The following DDX19B variants were observed in gnomAD, a reference collection of about 807,000 sequenced individuals.
DDX19B encodes DEAD-box helicase 19B.
Under a neutral mutation model 58.1 loss-of-function variants are expected in DDX19B, and 27 were observed. The observed-to-expected ratio is 0.46, with a 90% CI of 0.34 to 0.64. The LOEUF (loss-of-function observed/expected upper bound fraction) is 0.64. Ranked by LOEUF, DDX19B falls within the 30% of genes least tolerant of loss-of-function variation. The pLI, the probability that DDX19B is intolerant of heterozygous loss-of-function variation, is 0.01. For missense variants in DDX19B, 399 were observed against 596.5 expected (o/e 0.67, Z 3.45); for synonymous variants, 187 against 214.4 (o/e 0.87, Z 1.12).
intron 1 of DDX19B, among the ~76,000 whole-genome samples, chr16:70,310,024 G>C (rs930663080): frequency 6.6e-6 from 1 of 151,770 alleles, no homozygotes; most frequent in South Asian, 2.1e-4. Flanking sequence ...CAGGAGGATC[G>C]CTTGAGCCCA....
chr16:70,327,887 A>G (rs1358317666), intron 7 of DDX19B, among the ~76,000 whole-genome samples: 3 of 152,286 alleles, frequency 2.0e-5, no homozygotes, highest in Non-Finnish European at 4.4e-5. Context: ...ATGATGGCTC[A>G]TACCTGTAAT....
chr16:70,316,539 G>A (rs894117790), intron 4 of DDX19B, among the ~76,000 whole-genome samples: 1 of 152,136 alleles, frequency 6.6e-6, no homozygotes, highest in Non-Finnish European at 1.5e-5. Flanking sequence ...AATTTAGCTG[G>A]GTGCCGTAGT....
intron 1 of DDX19B, among the ~76,000 whole-genome samples, chr16:70,299,886 C>G (rs911060845): frequency 1.3e-5 from 2 of 152,084 alleles, no homozygotes; most frequent in Admixed American, 6.6e-5. Flanking sequence ...AAATGATGGA[C>G]CCAGTAGGTG....
chr16:70,316,341 C>T (rs891993721), intron 4 of DDX19B, among the ~76,000 whole-genome samples: 1 of 152,156 alleles, frequency 6.6e-6, no homozygotes, highest in Non-Finnish European at 1.5e-5. Context: ...TCCCAAGTAG[C>T]TGAGATTACA....
Position 70,333,918 on chromosome 16 carries a change from T to G in DDX19B, c.*336T>G, listed in dbSNP as rs1443666498. 7 of 395,806 alleles carry G rather than the reference T, an allele frequency of 1.8e-5. No homozygotes were observed. The highest frequency in any genetic ancestry group is 3.3e-5 in the Non-Finnish European group (7 of 214,292). The allele number at this position is 395,806 out of a possible 1,614,324, so 24.5% of individuals were successfully genotyped here. On this transcript the variant is annotated 3_prime_UTR_variant, in exon 12 of 12. Coordinates refer to ENST00000288071, the MANE Select transcript of DDX19B (RefSeq NM_007242.7). ...GCCCAGGATCTCCTGTGGCAGCCTC[T>G]GCTTGTTCTCTGGCTTGGAGTGGAT...
rs183834645 is a variant in DDX19B, at chr16:70,303,657, C to T, written c.57+4303C>T. On this transcript the variant is annotated intron_variant, in intron 1 of 11. Transcript: ENST00000288071. ...CTGCAAGCTCCACCTCTCAGGCTCA[C>T]GCCATTCTCCTGCCTCAGCCTCCCG... 3.9e-4 allele frequency among the ~76,000 whole-genome samples: 59 copies of T among 152,034 alleles called. 1 individual carries two copies. In the East Asian group the frequency reaches 6.8e-3, roughly 18 times the overall value.
rs752303919 is a variant in DDX19B, at chr16:70,333,805, TAC to T, written c.*227_*228del. ...ACAACCTTGGAAGATTAGGCATGAA[TAC>T]ACAGAGATTTACCTTTTGGAAGTTT... On this transcript the variant is annotated 3_prime_UTR_variant, in exon 12 of 12. Transcript: ENST00000288071. The T allele has an allele frequency of 2.2e-4, 142 of 645,504 alleles. 1 individual carries two copies. The highest frequency in any genetic ancestry group is 1.5e-3 in the South Asian group (78 of 50,412). 40.0% of individuals were successfully genotyped at this position (645,504 alleles called of 1,614,324 possible).
At chr16:70,316,616 G>T (rs1962431475) in intron 4 of DDX19B, among the ~76,000 whole-genome samples, 1 of 152,190 alleles carries the variant, frequency 6.6e-6, no homozygotes, top group Admixed American at 6.5e-5. Flanking sequence ...AGGAGTTGCA[G>T]ACCAGCCTGG....
upstream of DDX19B, among the ~76,000 whole-genome samples, chr16:70,295,343 G>C (rs1216170937): frequency 6.6e-6 from 1 of 151,900 alleles, no homozygotes; most frequent in Non-Finnish European, 1.5e-5. Flanking sequence ...GCATGATCAC[G>C]ACTCACTGCA....
intron 1 of DDX19B, among the ~76,000 whole-genome samples, chr16:70,306,971 C>T (rs1211222359): frequency 2.6e-5 from 4 of 152,146 alleles, no homozygotes; most frequent in Non-Finnish European, 5.9e-5. Flanking sequence ...TGGGAACATA[C>T]GGTATGTGAT....
intron 7 of DDX19B, among the ~76,000 whole-genome samples, chr16:70,327,507 T>G (rs998442463): frequency 3.3e-5 from 5 of 151,810 alleles, no homozygotes; most frequent in Admixed American, 2.6e-4. Context: ...CACTCCAGCC[T>G]GGGCGATAGA....
chr16:70,293,863 G>A (rs1284908327), upstream of DDX19B, among the ~76,000 whole-genome samples: 1 of 150,192 alleles, frequency 6.7e-6, no homozygotes, highest in Non-Finnish European at 1.5e-5. Flanking sequence ...CACCCGCCTC[G>A]GCCTCCCAAA....
upstream of DDX19B, among the ~76,000 whole-genome samples, chr16:70,297,476 GTGC>G (rs1157423481): frequency 6.6e-6 from 1 of 152,156 alleles, no homozygotes; most frequent in Non-Finnish European, 1.5e-5. Flanking sequence ...GCCTCCCAAA[GTGC>G]TGGGATTACA....
At chr16:70,312,089 C>T (rs1321521565) in intron 1 of DDX19B, among the ~76,000 whole-genome samples, 1 of 152,178 alleles carries the variant, frequency 6.6e-6, no homozygotes, top group East Asian at 1.9e-4. Flanking sequence ...ATCTGCCTGC[C>T]TGAGCCTCCC....
rs1963657117 is a variant in DDX19B, at chr16:70,335,202, G to T, written c.*1620G>T. Reference sequence around the variant, plus strand: ...TCTTGGAATTCTTGTAATAAGAAAAGAAATTTTTATACTTTTTTCTCCTTC... The same window carrying T: ...TCTTGGAATTCTTGTAATAAGAAAATAAATTTTTATACTTTTTTCTCCTTC... On this transcript the variant is annotated 3_prime_UTR_variant, in exon 12 of 12. Coordinates refer to ENST00000288071, the MANE Select transcript of DDX19B (RefSeq NM_007242.7). 6.6e-6 allele frequency: 1 copy of T among 152,186 alleles called. No homozygotes were observed. The highest frequency in any genetic ancestry group is 2.4e-5 in the African/African-American group (1 of 41,454). 9.4% of individuals were successfully genotyped at this position (152,186 alleles called of 1,614,324 possible). A position where few individuals can be genotyped will look rare whatever the true frequency, so the allele number is the denominator to read the frequency against.
Position 70,316,055 on chromosome 16 carries a change from G to A in DDX19B, c.247G>A (p.Asp83Asn), listed in dbSNP as rs751901098. 2.2e-5 allele frequency: 36 copies of A among 1,613,964 alleles called. No homozygotes were observed. Among genetic ancestry groups the A allele is most frequent in the Non-Finnish European group, 1.2e-5 (14 of 1,180,038 alleles). ...AAACCAAGTGGAAGTCCTGCAGCGG[G>A]ATCCAAACTCCCCTCTGTACTCGGT... Reference protein sequence around the residue: ...NTNQVEVLQRDPNSPLYSVKS... With the variant: ...NTNQVEVLQRNPNSPLYSVKS... The change falls in exon 4 of 12, where the codon GAT becomes AAT. Residue 83 changes from aspartate (D) to asparagine (N), a missense_variant. By Grantham distance (23) the Asp-to-Asn change is conservative. Transcript: ENST00000288071.
intron 7 of DDX19B, 86 bp downstream of exon 7, chr16:70,325,774 T>G: frequency 1.0e-6 from 1 of 982,550 alleles, no homozygotes; most frequent in Non-Finnish European, 1.6e-6. Flanking sequence ...GTTGAAATAA[T>G]ACAATAAACA....
chr16:70,331,943 A>G, intron 10 of DDX19B, 59 bp downstream of exon 10: 1 of 1,594,160 alleles, frequency 6.3e-7, no homozygotes, highest in Non-Finnish European at 8.6e-7. Context: ...GCCCAGTTAG[A>G]GCCAGAAATC....
intron 9 of DDX19B, 22 bp from the exon 10 acceptor site, chr16:70,331,700 A>G: frequency 6.2e-7 from 1 of 1,606,862 alleles, no homozygotes; most frequent in Non-Finnish European, 8.5e-7. Context: ...CTCTTCATAA[A>G]AAACAATTCT....
Sources: gnomAD v4.1 joint callset for allele counts (sites outside exome capture counted in the v4.1 genomes callset) on GRCh38, gnomAD v4.1.1 for gene constraint, MANE v1.5 for transcripts, NCBI Gene and HGNC (gene_info 2026-07-23, HGNC 2026-07-21) for gene names.